The following BACH2 variants were observed in gnomAD, a reference collection of about 807,000 sequenced individuals.
BACH2 encodes transcription regulator protein BACH2.
BACH2 carries 5 observed loss-of-function variants against 61.8 expected under a neutral mutation model. That is an observed-to-expected ratio of 0.08 (90% confidence interval 0.04 to 0.17). BACH2 has a LOEUF of 0.17. Ranked by LOEUF, BACH2 falls within the 10% of genes least tolerant of loss-of-function variation. The probability of loss-of-function intolerance (pLI) is 1.00; values close to 1 mark genes in which losing one functional copy is unlikely to be tolerated. For missense variants in BACH2, 824 were observed against 1,091.1 expected, an observed-to-expected ratio of 0.76 and a Z score of 3.45; for synonymous variants, 446 against 440.1, an observed-to-expected ratio of 1.01 and a Z score of -0.17.
rs751278336 is a variant in BACH2 at position 89,951,063 on chromosome 6, G to T, written c.1043C>A (p.Thr348Lys). The change falls in exon 7 of 9, where the codon ACG becomes AAG. Residue 348 changes from threonine to lysine, a missense_variant. Coordinates refer to ENST00000257749, the MANE Select transcript of BACH2 (RefSeq NM_021813.4). This position sits in a 1 kb window ranked among gnomAD's most constrained non-coding sequence, Gnocchi z 6.4. Reference sequence around the variant, plus strand: ...CAGGCCAGACAGCTCCACACTTTTCGTTATGCTGAACAGAGACCTTAAGCA... The same window carrying T: ...CAGGCCAGACAGCTCCACACTTTTCTTTATGCTGAACAGAGACCTTAAGCA... ...PSCLRSLFSI[T>K]KSVELSGLPS... The T allele has an allele frequency of 5.0e-6, 8 of 1,611,850 alleles. No homozygotes were observed. In the African/African-American group the frequency reaches 8.0e-5, roughly 16 times the overall value.
At chr6:90,045,047 A>G (rs1363811579) in intron 5 of BACH2, among the ~76,000 whole-genome samples, 2 of 152,192 alleles carry the variant, frequency 1.3e-5, no homozygotes, top group African/African-American at 4.8e-5. Flanking sequence ...TGTGGGCTGA[A>G]TGAATGAATA....
chr6:90,108,949 T>C (rs114428272), intron 4 of BACH2, among the ~76,000 whole-genome samples: 34 of 152,294 alleles, frequency 2.2e-4, no homozygotes, highest in African/African-American at 8.2e-4. Flanking sequence ...ACTTAGAGAA[T>C]CTGTTTCTGA....
chr6:90,203,463 A>G (rs1026473010), intron 4 of BACH2, among the ~76,000 whole-genome samples: 2 of 151,806 alleles, frequency 1.3e-5, no homozygotes, highest in African/African-American at 4.8e-5. Context: ...AAAGATTGGA[A>G]AGTCAGCTCT....
chr6:89,978,500 G>A (rs1775774803), intron 6 of BACH2, among the ~76,000 whole-genome samples: 1 of 152,112 alleles, frequency 6.6e-6, no homozygotes, highest in African/African-American at 2.4e-5. Context: ...TTACAGTGGT[G>A]AAACTGAAGC....
At chr6:90,066,406 AT>A (rs890573320) in intron 5 of BACH2, among the ~76,000 whole-genome samples, 27 of 152,102 alleles carry the variant, frequency 1.8e-4, no homozygotes, top group Admixed American at 1.8e-3. Flanking sequence ...ACTTTCAGGG[AT>A]TTGAAGCTAT....
chr6:90,093,932 CTTCGT>C (rs1488996473), intron 4 of BACH2, among the ~76,000 whole-genome samples: 1 of 152,132 alleles, frequency 6.6e-6, no homozygotes, highest in Non-Finnish European at 1.5e-5. Flanking sequence ...TTTTTCATTT[CTTCGT>C]ATTTACTGTT....
intron 1 of BACH2, among the ~76,000 whole-genome samples, chr6:90,295,794 T>C (rs1772340045): frequency 6.6e-6 from 1 of 152,218 alleles, no homozygotes. Flanking sequence ...GACAACCCGA[T>C]CTTTCGCTAG....
chr6:90,184,148 G>T (rs1582459809), intron 4 of BACH2, among the ~76,000 whole-genome samples: 1 of 152,188 alleles, frequency 6.6e-6, no homozygotes, highest in South Asian at 2.1e-4. Context: ...TCCTGGAACT[G>T]CTGAAATAGC....
intron 6 of BACH2, among the ~76,000 whole-genome samples, chr6:89,954,182 G>A (rs1774282609): frequency 6.6e-6 from 1 of 152,170 alleles, no homozygotes. Context: ...CCTCTGTAAT[G>A]TGCCAGTTGC....
intron 6 of BACH2, among the ~76,000 whole-genome samples, chr6:89,975,698 CCAAA>C (rs1775613789): frequency 6.6e-6 from 1 of 152,116 alleles, no homozygotes; most frequent in African/African-American, 2.4e-5. Flanking sequence ...GAAGCTCAGC[CCAAA>C]CAGAGATAAC....
Position 89,958,216 on chromosome 6 carries a change from A to C in BACH2, c.244-6354T>G, listed in dbSNP as rs530523696. On this transcript the variant is annotated intron_variant, in intron 6 of 8. Transcript: ENST00000257749. ...GGCTGGCCTCGAACTCCTGGGCTCAAGCCATTTTCCTGCCTCAGCCTCTCA... is the reference window on the plus strand; with the variant it reads ...GGCTGGCCTCGAACTCCTGGGCTCACGCCATTTTCCTGCCTCAGCCTCTCA... 3.8e-4 allele frequency among the ~76,000 whole-genome samples: 58 copies of C among 152,308 alleles called. 1 individual carries two copies. The highest frequency in any genetic ancestry group is 1.4e-3 in the African/African-American group (57 of 41,564).
chr6:90,029,887 T>A (rs1336774968), intron 5 of BACH2, among the ~76,000 whole-genome samples: 2 of 152,040 alleles, frequency 1.3e-5, no homozygotes, highest in Non-Finnish European at 2.9e-5. Flanking sequence ...TGATATAACC[T>A]CCAAGACACA....
At chr6:90,261,134 T>C (rs1771143923) in intron 2 of BACH2, among the ~76,000 whole-genome samples, 1 of 152,182 alleles carries the variant, frequency 6.6e-6, no homozygotes, top group South Asian at 2.1e-4. Flanking sequence ...CTTCCAACTT[T>C]CAAGACCTAC....
At chr6:90,073,459 T>C (rs1406425298) in intron 5 of BACH2, among the ~76,000 whole-genome samples, 1 of 152,236 alleles carries the variant, frequency 6.6e-6, no homozygotes, top group Admixed American at 6.5e-5. Flanking sequence ...GAAACATTTC[T>C]TCAATTAAGA....
At chr6:90,075,842 T>G (rs948799463) in intron 5 of BACH2, among the ~76,000 whole-genome samples, 3 of 152,130 alleles carry the variant, frequency 2.0e-5, no homozygotes, top group Non-Finnish European at 4.4e-5. Context: ...ACACTTGCTT[T>G]TTAGTTAAAA....
At position 89,927,572 on chromosome 6, in the gene BACH2, T is replaced by C. The variant is rs1772420976; in HGVS notation, c.*4836A>G. ...CTGGAATGAGAATGAAAGTCAGAGCTGTTTATCCATTGCTTGACAGCAAAA... is the reference window on the plus strand; with the variant it reads ...CTGGAATGAGAATGAAAGTCAGAGCCGTTTATCCATTGCTTGACAGCAAAA... On this transcript the variant is annotated 3_prime_UTR_variant, in exon 9 of 9. Coordinates refer to ENST00000257749, the MANE Select transcript of BACH2 (RefSeq NM_021813.4). 6.5e-6 allele frequency: 1 copy of C among 152,826 alleles called. No individual in the cohort carries two copies. The highest frequency in any genetic ancestry group is 1.9e-4 in the East Asian group (1 of 5,342). 9.5% of individuals were successfully genotyped at this position (152,826 alleles called of 1,614,324 possible).
chr6:90,256,213 T>C (rs746883249), intron 2 of BACH2, among the ~76,000 whole-genome samples: 1 of 152,180 alleles, frequency 6.6e-6, no homozygotes, highest in Non-Finnish European at 1.5e-5. Context: ...ATGAAACTTA[T>C]AGTGTCTTCT....
At chr6:90,118,452 G>A (rs1783490705) in intron 4 of BACH2, among the ~76,000 whole-genome samples, 1 of 152,200 alleles carries the variant, frequency 6.6e-6, no homozygotes, top group Non-Finnish European at 1.5e-5. Flanking sequence ...TAAGTACATT[G>A]CTAGTCTCAC....
chr6:90,075,794 T>G (rs938723887), intron 5 of BACH2, among the ~76,000 whole-genome samples: 3 of 152,174 alleles, frequency 2.0e-5, no homozygotes, highest in Non-Finnish European at 4.4e-5. Context: ...TAAGAAAGGA[T>G]GGATATTGTT....
Sources: gnomAD v4.1 joint callset for allele counts (sites outside exome capture counted in the v4.1 genomes callset) on GRCh38, gnomAD v4.1.1 for gene constraint, Gnocchi (gnomAD v3.1) non-coding constraint, MANE v1.5 for transcripts, NCBI Gene and HGNC (gene_info 2026-07-23, HGNC 2026-07-21) for gene names.